Variants in ERC2 observed in about 807,000 individuals in gnomAD.
ERC2 encodes ELKS/RAB6-interacting/CAST family member 2.
Under a neutral mutation model 114.8 loss-of-function variants are expected in ERC2, and 42 were observed. That is an observed-to-expected ratio of 0.37 (90% CI 0.29 to 0.47). The LOEUF (loss-of-function observed/expected upper bound fraction) is 0.47. ERC2 is among the 20% of genes least tolerant of loss of function. ERC2 has a pLI of 0.99. For missense variants in ERC2, 939 were observed against 1,150.7 expected (o/e 0.82, Z 2.66); for synonymous variants, 454 against 425.5 (o/e 1.07, Z -0.82).
At chr3:56,330,593 CT>C (rs1161167411) in intron 2 of ERC2, among the ~76,000 whole-genome samples, 1 of 152,194 alleles carries the variant, frequency 6.6e-6, no homozygotes, top group Non-Finnish European at 1.5e-5. Flanking sequence ...CAGTCCCCAA[CT>C]TACACAGGCT....
At chr3:56,183,973 G>A (rs2083440096) in intron 3 of ERC2, among the ~76,000 whole-genome samples, 2 of 152,040 alleles carry the variant, frequency 1.3e-5, no homozygotes, top group Admixed American at 1.3e-4. Flanking sequence ...AGTTTCCATG[G>A]AAATAGATAA....
intron 6 of ERC2, among the ~76,000 whole-genome samples, chr3:56,083,596 T>C (rs73072529): frequency 0.012 from 1,830 of 152,176 alleles, 14 homozygotes; most frequent in Middle Eastern, 0.02. Flanking sequence ...TAACTAAGAA[T>C]TAACAAATAT....
chr3:56,173,741 T>A (rs1042066742), intron 3 of ERC2: 4 of 516,090 alleles, frequency 7.8e-6, no homozygotes, highest in African/African-American at 3.9e-5. Context: ...GAAACTTCCA[T>A]CAATAATTAA....
chr3:56,397,150 A>C (rs1489209099), intron 2 of ERC2, among the ~76,000 whole-genome samples: 4 of 152,156 alleles, frequency 2.6e-5, no homozygotes, highest in African/African-American at 9.7e-5. Context: ...AAGTTTTTAA[A>C]TGGTTTTTGT....
intron 14 of ERC2, among the ~76,000 whole-genome samples, chr3:55,864,153 A>G (rs1448044438): frequency 1.6e-5 from 2 of 123,164 alleles, no homozygotes; most frequent in Non-Finnish European, 3.5e-5. Context: ...ATATATATAT[A>G]TACACATATA....
intron 7 of ERC2, among the ~76,000 whole-genome samples, chr3:56,033,224 T>G (rs941246804): frequency 3.9e-5 from 6 of 152,104 alleles, no homozygotes; most frequent in African/African-American, 1.4e-4. Flanking sequence ...AGACCCCATC[T>G]CTACAAAAAA....
intron 7 of ERC2, among the ~76,000 whole-genome samples, chr3:56,036,028 T>C (rs552947576): frequency 4.0e-4 from 61 of 152,268 alleles, no homozygotes; most frequent in African/African-American, 1.5e-3. Context: ...CTAGTGGAAT[T>C]TATTATTGGG....
At chr3:55,787,815 T>C (rs1559654275) in intron 14 of ERC2, among the ~76,000 whole-genome samples, 1 of 152,186 alleles carries the variant, frequency 6.6e-6, no homozygotes, top group Non-Finnish European at 1.5e-5. Context: ...GAAGATATCA[T>C]ATCTCAAGCC....
chr3:56,402,490 T>G (rs1228078150), intron 2 of ERC2, among the ~76,000 whole-genome samples: 7 of 152,094 alleles, frequency 4.6e-5, no homozygotes, highest in Admixed American at 3.9e-4. Flanking sequence ...CAAAGTCAAG[T>G]CCCGCCTCCT....
intron 3 of ERC2, among the ~76,000 whole-genome samples, chr3:56,274,058 G>A (rs149892897): frequency 5.1e-4 from 77 of 152,282 alleles, no homozygotes; most frequent in Non-Finnish European, 1.0e-3. Flanking sequence ...ACTCCAGGCC[G>A]CCAACCATTA....
At chr3:55,680,882 T>G (rs1316314330) in intron 17 of ERC2, among the ~76,000 whole-genome samples, 1 of 152,176 alleles carries the variant, frequency 6.6e-6, no homozygotes, top group Non-Finnish European at 1.5e-5. Context: ...GTAGGCAGCA[T>G]AGACTACATA....
rs907017193 is a variant in ERC2 at position 55,941,137 on chromosome 3, G to A, written c.2403+9288C>T. 2.6e-5 allele frequency among the ~76,000 whole-genome samples: 4 copies of A among 152,116 alleles called. No homozygotes were observed. The East Asian group carries it at 5.8e-4, about 22-fold the overall frequency. ...TTCATTGTGTGTACACAGCAACTTG[G>A]CCAACTATGATTGCTTTTTTTAATG... On this transcript the variant is annotated intron_variant, in intron 13 of 17. Coordinates refer to ENST00000288221, the MANE Select transcript of ERC2 (RefSeq NM_015576.3).
chr3:56,037,777 G>A (rs1048522768), intron 7 of ERC2, among the ~76,000 whole-genome samples: 1 of 152,046 alleles, frequency 6.6e-6, no homozygotes, highest in African/African-American at 2.4e-5. Flanking sequence ...CAAAATGAAG[G>A]AAAAATGTTA....
Position 56,010,439 on chromosome 3 carries a change from C to A in ERC2, c.1920+10G>T. ...CTATCAATGTGGTTCATTTGTTTTT[C>A]CAGACTCACCTCTTTCTCAGTCAGT... On this transcript the variant is annotated intron_variant, in intron 9 of 17. Coordinates refer to ENST00000288221, the MANE Select transcript of ERC2 (RefSeq NM_015576.3). 1.2e-6 allele frequency: 2 copies of A among 1,611,276 alleles called. No individual in the cohort carries two copies. Among genetic ancestry groups the A allele is most frequent in the African/African-American group, 2.7e-5 (2 of 74,776 alleles).
rs547487182 is a variant in ERC2 at position 55,839,816 on chromosome 3, GA to G, written c.2564+48572del. ...GGCAAATAAAAACAAATAGCAAGAT[GA>G]CAGATTTAAATCTGGCCATAACAAG... On this transcript the variant is annotated intron_variant, in intron 14 of 17. Coordinates refer to ENST00000288221, the MANE Select transcript of ERC2 (RefSeq NM_015576.3). 1.7e-3 allele frequency among the ~76,000 whole-genome samples: 257 copies of G among 151,988 alleles called. 1 individual carries two copies. The highest frequency in any genetic ancestry group is 4.8e-3 in the Admixed American group (74 of 15,280).
At position 55,757,788 on chromosome 3, in the gene ERC2, T is replaced by A. The variant is rs149092597; in HGVS notation, c.2565-22870A>T. Among the ~76,000 whole-genome samples, 224 of 152,278 alleles carry A rather than the reference T, an allele frequency of 1.5e-3. 1 individual carries two copies. The highest frequency in any genetic ancestry group is 6.8e-3 in the Middle Eastern group (2 of 294). On this transcript the variant is annotated intron_variant, in intron 14 of 17. Coordinates refer to ENST00000288221, the MANE Select transcript of ERC2 (RefSeq NM_015576.3). Reference sequence around the variant, plus strand: ...CACTTACATAAACATAAATTATTTATCAATAGCTTACAATTTAAGAAATGT... The same window carrying A: ...CACTTACATAAACATAAATTATTTAACAATAGCTTACAATTTAAGAAATGT...
At chr3:55,743,198 A>G (rs1310623613) in intron 14 of ERC2, among the ~76,000 whole-genome samples, 3 of 152,168 alleles carry the variant, frequency 2.0e-5, no homozygotes, top group Non-Finnish European at 4.4e-5. Flanking sequence ...TCTTTACTCT[A>G]AGCACCAGCT....
intron 11 of ERC2, among the ~76,000 whole-genome samples, chr3:55,990,163 C>A (rs2070947098): frequency 1.3e-5 from 2 of 152,108 alleles, no homozygotes; most frequent in Non-Finnish European, 1.5e-5. Context: ...TAAGAACCAG[C>A]AGACTAGCAG....
intron 15 of ERC2, among the ~76,000 whole-genome samples, chr3:55,725,835 G>A (rs930828209): frequency 1.3e-5 from 2 of 152,226 alleles, no homozygotes; most frequent in Non-Finnish European, 2.9e-5. Context: ...TATTCACTGA[G>A]TGCTATTTTT....
Sources: gnomAD v4.1 joint callset for allele counts (sites outside exome capture counted in the v4.1 genomes callset) on GRCh38, gnomAD v4.1.1 for gene constraint, MANE v1.5 for transcripts, NCBI Gene and HGNC (gene_info 2026-07-23, HGNC 2026-07-21) for gene names.